NRG1: variants seen among roughly 807,000 people sequenced by gnomAD.
NRG1 encodes pro-neuregulin-1, membrane-bound isoform.
In NRG1, 18 loss-of-function variants were observed where a neutral mutation model predicts 63.8. The observed-to-expected ratio is 0.28, with a 90% CI of 0.19 to 0.42. The LOEUF is 0.42. Ranked by LOEUF, NRG1 falls within the 10% of genes least tolerant of loss-of-function variation. The pLI is 1.00. For synonymous variants in NRG1, 302 were observed against 301.3 expected, an observed-to-expected ratio of 1.00 and a Z score of -0.02; for missense variants, 762 against 814.7, an observed-to-expected ratio of 0.94 and a Z score of 0.79.
intron 1 of NRG1, among the ~76,000 whole-genome samples, chr8:31,863,698 T>C (rs1256602877): frequency 6.6e-6 from 1 of 152,218 alleles, no homozygotes; most frequent in African/African-American, 2.4e-5. Flanking sequence ...TCTCAGAAAG[T>C]CCTGCCTTTC....
At chr8:32,713,743 T>C (rs1250042943) in intron 5 of NRG1, among the ~76,000 whole-genome samples, 1 of 145,000 alleles carries the variant, frequency 6.9e-6, no homozygotes, top group Non-Finnish European at 1.5e-5. Context: ...ATAATATATT[T>C]GTTATAAATA....
chr8:31,820,839 T>C (rs1242546693), intron 1 of NRG1, among the ~76,000 whole-genome samples: 1 of 152,208 alleles, frequency 6.6e-6, no homozygotes, highest in Non-Finnish European at 1.5e-5. Context: ...GCTGTCTGGA[T>C]ATACAAGCAT....
rs113180823 is a variant in NRG1, at chr8:32,759,096, A to G, written c.922-210A>G. On this transcript the variant is annotated intron_variant, in intron 9 of 11. Coordinates refer to ENST00000356819, the Ensembl canonical transcript of NRG1. ...CATCCAGAGAGTATTTTTTTTTTTA[A>G]CTCTATTCATCTAATCTAAAAGCCA... 1.5e-3 allele frequency among the ~76,000 whole-genome samples: 221 copies of G among 151,856 alleles called. 2 individuals carry two copies. Among genetic ancestry groups the G allele is most frequent in the African/African-American group, 5.2e-3 (216 of 41,396 alleles).
chr8:31,685,794 A>G (rs1481734991), intron 1 of NRG1, among the ~76,000 whole-genome samples: 1 of 152,116 alleles, frequency 6.6e-6, no homozygotes, highest in African/African-American at 2.4e-5. Flanking sequence ...TTGACTTAGC[A>G]TGTTTTCAAG....
exon 1 of NRG1, chr8:32,548,528 A>C: frequency 1.6e-6 from 2 of 1,243,116 alleles, no homozygotes; most frequent in Non-Finnish European, 1.0e-6. Context: ...CGCCCGTTCC[A>C]GGTGGCCGGA....
At chr8:32,275,904 TAATTTG>T (rs1489804179) in intron 1 of NRG1, among the ~76,000 whole-genome samples, 8 of 152,200 alleles carry the variant, frequency 5.3e-5, no homozygotes, top group Non-Finnish European at 1.0e-4. Flanking sequence ...TCTTTCCTGT[TAATTTG>T]AATTGGTATG....
chr8:32,233,563 ATT>A (rs1554660617), intron 1 of NRG1, among the ~76,000 whole-genome samples: 236 of 67,224 alleles, frequency 3.5e-3, no homozygotes, highest in African/African-American at 0.017. Context: ...ATATATATAT[ATT>A]TTTTTTTTTT....
intron 1 of NRG1, among the ~76,000 whole-genome samples, chr8:31,770,794 T>TATATATAC (rs1554526900): frequency 1.9e-4 from 24 of 129,106 alleles, no homozygotes; most frequent in African/African-American, 6.3e-4. Context: ...TATATATATA[T>TATATATAC]ATACATATAT....
chr8:32,574,792 A>G (rs1839303089), intron 1 of NRG1, among the ~76,000 whole-genome samples: 1 of 152,114 alleles, frequency 6.6e-6, no homozygotes, highest in Non-Finnish European at 1.5e-5. Flanking sequence ...ACCCAGTCTC[A>G]GTTATTTTTT....
At chr8:31,773,674 T>G (rs1818845709) in intron 1 of NRG1, among the ~76,000 whole-genome samples, 1 of 152,208 alleles carries the variant, frequency 6.6e-6, no homozygotes, top group Non-Finnish European at 1.5e-5. Context: ...ATGCTTTTAC[T>G]TAGCTTCAAG....
chr8:32,366,711 A>ATATATATATC (rs1407313192), intron 1 of NRG1, among the ~76,000 whole-genome samples: 7 of 81,744 alleles, frequency 8.6e-5, no homozygotes, highest in Non-Finnish European at 1.3e-4. Flanking sequence ...ATATATATAT[A>ATATATATATC]TATCTCACTT....
intron 1 of NRG1, among the ~76,000 whole-genome samples, chr8:32,530,297 CG>C (rs754715416): frequency 5.9e-5 from 9 of 151,910 alleles, no homozygotes; most frequent in Non-Finnish European, 1.2e-4. Flanking sequence ...TTTGTAGAGA[CG>C]GGGTTTCACC....
chr8:32,179,638 A>T (rs1257407957), intron 1 of NRG1, among the ~76,000 whole-genome samples: 1 of 152,148 alleles, frequency 6.6e-6, no homozygotes, highest in East Asian at 1.9e-4. Flanking sequence ...ATATTAGAAC[A>T]TGTAGTTTCT....
chr8:31,877,475 A>G (rs1424232314), intron 1 of NRG1, among the ~76,000 whole-genome samples: 1 of 150,452 alleles, frequency 6.6e-6, no homozygotes, highest in African/African-American at 2.4e-5. Context: ...CTCTCTCTCC[A>G]TGTATGTATG....
chr8:32,591,818 T>C (rs1842572642), intron 1 of NRG1, among the ~76,000 whole-genome samples: 1 of 152,038 alleles, frequency 6.6e-6, no homozygotes, highest in Non-Finnish European at 1.5e-5. Flanking sequence ...AACGTGACGA[T>C]TGAAAAACTG....
rs547132755 is a variant in NRG1, at chr8:32,700,090, C to T, written c.503-27859C>T. ...CCCATTAGCAGACCCCCTCCCATTT[C>T]CTCTTTCCACCCTTTCCCCAGCTAT... On this transcript the variant is annotated intron_variant, in intron 5 of 11. Transcript: ENST00000356819. Among the ~76,000 whole-genome samples the T allele has an allele frequency of 8.5e-5, 13 of 152,220 alleles. 1 individual carries two copies. In the South Asian group the frequency reaches 2.7e-3, roughly 32 times the overall value.
In NRG1 at chr8:32,451,720, T is replaced by C. The variant is rs1181388971; in HGVS notation, c.38-144108T>C. ...CTGAACTTTTAGCCTTGGAACAGGG[T>C]CACTGGAAAATACTTCTTAATATCC... On this transcript the variant is annotated intron_variant, in intron 1 of 10. Coordinates refer to the NRG1 transcript ENST00000519301. Among the ~76,000 whole-genome samples, 5 of 152,166 alleles carry C rather than the reference T, an allele frequency of 3.3e-5. No individual in the cohort carries two copies. In the East Asian group the frequency reaches 9.6e-4, roughly 29 times the overall value.
At chr8:31,843,357 C>T (rs1455713487) in intron 1 of NRG1, among the ~76,000 whole-genome samples, 3 of 152,190 alleles carry the variant, frequency 2.0e-5, no homozygotes, top group African/African-American at 7.2e-5. Flanking sequence ...CAGATGTGCA[C>T]AGAAATATGC....
At position 31,961,557 on chromosome 8, in the gene NRG1, T is replaced by C. The variant is rs1214946894; in HGVS notation, c.37+322126T>C. On this transcript the variant is annotated intron_variant, in intron 1 of 10. Transcript: ENST00000519301. Reference sequence around the variant, plus strand: ...TGTACAAAATAGTTTGTGTAAACTATAAGTAGACAAAGATGTAGGGTTGTA... The same window carrying C: ...TGTACAAAATAGTTTGTGTAAACTACAAGTAGACAAAGATGTAGGGTTGTA... 2.0e-5 allele frequency among the ~76,000 whole-genome samples: 3 copies of C among 152,328 alleles called. No individual in the cohort carries two copies. The East Asian group carries it at 5.8e-4, about 29-fold the overall frequency.
Sources: allele counts gnomAD v4.1 joint callset (sites outside exome capture counted in the v4.1 genomes callset), GRCh38; gene constraint gnomAD v4.1.1; transcripts MANE v1.5; gene names NCBI Gene and HGNC (gene_info 2026-07-23, HGNC 2026-07-21).